The following ENOX1 variants were observed in gnomAD, a reference collection of about 807,000 sequenced individuals.
The protein encoded by ENOX1 is ecto-NOX disulfide-thiol exchanger 1, also known as candidate growth-related and time keeping constitutive hydroquinone (NADH) oxidase.
A neutral mutation model predicts 82.5 loss-of-function variants in ENOX1; 42 were observed. That is an observed-to-expected ratio of 0.51 (90% CI 0.40 to 0.66). The LOEUF (loss-of-function observed/expected upper bound fraction) is 0.66, where lower values mean the gene tolerates loss of function less well. Ranked by LOEUF, ENOX1 falls within the 30% of genes least tolerant of loss-of-function variation. The probability of loss-of-function intolerance (pLI) is 0.00; values close to 1 mark genes in which losing one functional copy is unlikely to be tolerated. For synonymous variants in ENOX1, 271 were observed against 282.2 expected, an observed-to-expected ratio of 0.96 and a Z score of 0.40; for missense variants, 608 against 811.6, an observed-to-expected ratio of 0.75 and a Z score of 3.05.
At chr13:43,715,179 T>C (rs563764006) in intron 1 of ENOX1, among the ~76,000 whole-genome samples, 1 of 152,186 alleles carries the variant, frequency 6.6e-6, no homozygotes, top group Non-Finnish European at 1.5e-5. Context: ...AAGCTTAGTT[T>C]GGCTGGATAT....
intron 2 of ENOX1, among the ~76,000 whole-genome samples, chr13:43,571,352 G>A (rs2080169240): frequency 6.6e-6 from 1 of 152,142 alleles, no homozygotes; most frequent in South Asian, 2.1e-4. Flanking sequence ...AACTCAAGGT[G>A]GGAATCGGGT....
At chr13:43,230,164 G>A (rs148221606) in intron 15 of ENOX1, among the ~76,000 whole-genome samples, 3 of 152,306 alleles carry the variant, frequency 2.0e-5, no homozygotes, top group East Asian at 1.9e-4. Context: ...TCATGATGGC[G>A]GAGAGAAGTA....
At chr13:43,319,072 T>C (rs1258426008) in intron 11 of ENOX1, among the ~76,000 whole-genome samples, 4 of 151,882 alleles carry the variant, frequency 2.6e-5, no homozygotes, top group Admixed American at 6.6e-5. Flanking sequence ...GAAGAACAGA[T>C]CTGGATTTTA....
intron 3 of ENOX1, among the ~76,000 whole-genome samples, chr13:43,434,541 C>G (rs913917947): frequency 6.6e-6 from 1 of 152,142 alleles, no homozygotes; most frequent in Non-Finnish European, 1.5e-5. Flanking sequence ...CTCCTCTGAA[C>G]CCCAGAGTTC....
intron 11 of ENOX1, among the ~76,000 whole-genome samples, chr13:43,310,091 T>G (rs533191297): frequency 4.4e-5 from 6 of 136,750 alleles, no homozygotes; most frequent in African/African-American, 1.6e-4. Context: ...TAGTCCTAGC[T>G]GCTTGGGAGG....
chr13:43,676,516 C>G (rs1253234821), intron 1 of ENOX1, among the ~76,000 whole-genome samples: 2 of 152,168 alleles, frequency 1.3e-5, no homozygotes, highest in Non-Finnish European at 2.9e-5. Flanking sequence ...GTGTCCGCCT[C>G]TATGTTTGTC....
chr13:43,571,285 G>A (rs937692726), intron 2 of ENOX1, among the ~76,000 whole-genome samples: 2 of 152,162 alleles, frequency 1.3e-5, no homozygotes, highest in African/African-American at 4.8e-5. Flanking sequence ...TGGTAATAAA[G>A]CTTATGGTAT....
intron 2 of ENOX1, among the ~76,000 whole-genome samples, chr13:43,605,410 T>A (rs1330884751): frequency 6.6e-6 from 1 of 152,154 alleles, no homozygotes; most frequent in Non-Finnish European, 1.5e-5. Flanking sequence ...CTTCAAATTA[T>A]ACTATAGAGT....
intron 2 of ENOX1, among the ~76,000 whole-genome samples, chr13:43,633,825 T>C (rs867742564): frequency 4.6e-5 from 7 of 152,122 alleles, no homozygotes; most frequent in Middle Eastern, 3.4e-3. Flanking sequence ...AAAAAGAGCT[T>C]ATAACTTTTA....
intron 3 of ENOX1, among the ~76,000 whole-genome samples, chr13:43,476,818 T>C (rs1363277698): frequency 6.6e-6 from 1 of 152,142 alleles, no homozygotes; most frequent in African/African-American, 2.4e-5. Flanking sequence ...GGAACAGATA[T>C]TTCCCAAGTG....
At chr13:43,216,801 GT>G (rs974807433) in intron 16 of ENOX1, among the ~76,000 whole-genome samples, 53 of 152,274 alleles carry the variant, frequency 3.5e-4, no homozygotes, top group African/African-American at 1.3e-3. Context: ...AAAAAGCTAA[GT>G]TTTTGAGGGT....
chr13:43,314,039 T>C (rs2047351842), intron 11 of ENOX1, among the ~76,000 whole-genome samples: 1 of 152,186 alleles, frequency 6.6e-6, no homozygotes, highest in Admixed American at 6.5e-5. Flanking sequence ...ATAGACTCTG[T>C]CTTGTAACTT....
At chr13:43,551,453 A>C (rs1336266272) in intron 2 of ENOX1, among the ~76,000 whole-genome samples, 1 of 152,222 alleles carries the variant, frequency 6.6e-6, no homozygotes, top group Non-Finnish European at 1.5e-5. Context: ...TAAAGAGAGA[A>C]AAAAATGAAA....
At chr13:43,236,065 C>T (rs914743398) in intron 15 of ENOX1, among the ~76,000 whole-genome samples, 7 of 152,208 alleles carry the variant, frequency 4.6e-5, no homozygotes, top group African/African-American at 1.7e-4. Flanking sequence ...ATAAGTAAGA[C>T]ATCTGGATCC....
At chr13:43,286,283 T>C (rs1028943255) in intron 12 of ENOX1, among the ~76,000 whole-genome samples, 5 of 152,236 alleles carry the variant, frequency 3.3e-5, no homozygotes, top group Non-Finnish European at 7.3e-5. Context: ...TCCGCTTTGA[T>C]GTATTACATT....
rs573840960 is a variant in ENOX1 at position 43,565,470 on chromosome 13, G to A, written c.-218-81318C>T. On this transcript the variant is annotated intron_variant, in intron 2 of 16. Transcript: ENST00000690772. ...CTCCTCAGAAGCTCCAGTGGCCTGG[G>A]GTTCTCTCTCATGGATCCAGGAGGA... 2.6e-5 allele frequency among the ~76,000 whole-genome samples: 4 copies of A among 152,188 alleles called. No individual in the cohort carries two copies. The South Asian group carries it at 8.3e-4, about 32-fold the overall frequency.
intron 2 of ENOX1, among the ~76,000 whole-genome samples, chr13:43,567,435 G>A (rs543324253): frequency 6.6e-6 from 1 of 152,048 alleles, no homozygotes; most frequent in East Asian, 1.9e-4. Context: ...AATTTTCAAT[G>A]TTTAATATGC....
chr13:43,413,941 T>C (rs1319180125), intron 3 of ENOX1, among the ~76,000 whole-genome samples: 1 of 151,908 alleles, frequency 6.6e-6, no homozygotes, highest in Non-Finnish European at 1.5e-5. Flanking sequence ...TGATCTTAAG[T>C]AGATTAGATA....
At chr13:43,582,130 A>G (rs1415988315) in intron 2 of ENOX1, among the ~76,000 whole-genome samples, 1 of 152,172 alleles carries the variant, frequency 6.6e-6, no homozygotes, top group African/African-American at 2.4e-5. Context: ...CAATAAAACT[A>G]TCAATATCTA....
Sources: allele counts gnomAD v4.1 joint callset (sites outside exome capture counted in the v4.1 genomes callset), GRCh38; gene constraint gnomAD v4.1.1; transcripts MANE v1.5; gene names NCBI Gene and HGNC (gene_info 2026-07-23, HGNC 2026-07-21).